HFM1: variants seen among roughly 807,000 people sequenced by gnomAD.
The protein encoded by HFM1 is helicase for meiosis 1.
HFM1 carries 169 observed loss-of-function variants against 192.1 expected under a neutral mutation model. The ratio of observed to expected loss-of-function variants is 0.88; its 90% CI spans 0.78 to 1.00. The LOEUF is 1.00. Among genes scored for constraint, HFM1 ranks in the 50% least tolerant of loss-of-function variants. The probability of loss-of-function intolerance (pLI) is 0.00; values close to 1 mark genes in which losing one functional copy is unlikely to be tolerated. For synonymous variants in HFM1, 525 were observed against 537.8 expected, an observed-to-expected ratio of 0.98 and a Z score of 0.33; for missense variants, 1,661 against 1,668.0, an observed-to-expected ratio of 1.00 and a Z score of 0.07.
In HFM1 at chr1:91,311,522, A is replaced by C. The variant is rs554127972; in HGVS notation, c.3391+1827T>G. ...GTGCCTGTAGTCCCAGCTACTCAGG[A>C]GGCAGAGACAGGAGAATTGCTTGAA... On this transcript the variant is annotated intron_variant, in intron 30 of 38. Transcript: ENST00000370425. 9.5e-4 allele frequency among the ~76,000 whole-genome samples: 144 copies of C among 152,078 alleles called. 6 individuals are homozygous for C. In the South Asian group the frequency reaches 0.028, roughly 29 times the overall value.
chr1:91,352,940 C>T (rs1417942762), intron 15 of HFM1, 111 bp downstream of exon 15: 2 of 705,968 alleles, frequency 2.8e-6, no homozygotes, highest in East Asian at 2.7e-5. Context: ...ATTTTATATT[C>T]TCAGAAGAAA....
chr1:91,393,271 C>CA (rs1663233559), intron 4 of HFM1, among the ~76,000 whole-genome samples: 1 of 152,060 alleles, frequency 6.6e-6, no homozygotes, highest in Non-Finnish European at 1.5e-5. Context: ...TCAATACTCT[C>CA]ACTTTCTCTC....
At chr1:91,334,367 C>G (rs528815615) in intron 20 of HFM1, among the ~76,000 whole-genome samples, 1 of 152,126 alleles carries the variant, frequency 6.6e-6, no homozygotes, top group Admixed American at 6.5e-5. Flanking sequence ...AGCATGGTGC[C>G]TAATATTTAA....
At chr1:91,263,365 T>C (rs1001304268) in intron 36 of HFM1, among the ~76,000 whole-genome samples, 16 of 152,126 alleles carry the variant, frequency 1.1e-4, no homozygotes, top group African/African-American at 3.9e-4. Context: ...AAGAATCACA[T>C]ATACTGATAG....
chr1:91,298,648 AAAG>A (rs1648116295), intron 30 of HFM1, among the ~76,000 whole-genome samples: 1 of 152,212 alleles, frequency 6.6e-6, no homozygotes, highest in Non-Finnish European at 1.5e-5. Flanking sequence ...TTCTTAAAGA[AAAG>A]AATTTTCAAC....
chr1:91,302,974 C>T (rs2101050564), intron 30 of HFM1, among the ~76,000 whole-genome samples: 1 of 152,072 alleles, frequency 6.6e-6, no homozygotes, highest in Non-Finnish European at 1.5e-5. Flanking sequence ...ATCCTTTTTG[C>T]TGGTATACAG....
At chr1:91,310,408 G>A (rs1650266631) in intron 30 of HFM1, among the ~76,000 whole-genome samples, 2 of 152,080 alleles carry the variant, frequency 1.3e-5, no homozygotes, top group Non-Finnish European at 2.9e-5. Context: ...GTATATGTTT[G>A]AAAAATTCCC....
At chr1:91,392,388 C>T (rs1663109293) in intron 4 of HFM1, among the ~76,000 whole-genome samples, 1 of 152,168 alleles carries the variant, frequency 6.6e-6, no homozygotes, top group Admixed American at 6.5e-5. Flanking sequence ...AAATGTGGCA[C>T]ATATACATCA....
rs1258393542 is a variant in HFM1, at chr1:91,274,746, G to A, written c.3652C>T (p.Leu1218Phe). 1 of 1,530,640 alleles carries A rather than the reference G, an allele frequency of 6.5e-7. No homozygotes were observed. The highest frequency in any genetic ancestry group is 2.3e-5 in the East Asian group (1 of 44,398). The allele number at this position is 1,530,640 out of a possible 1,614,324, so 94.8% of individuals were successfully genotyped here. The change falls in exon 33 of 39, where the codon CTT becomes TTT. Residue 1218 changes from leucine to phenylalanine, a missense_variant. Coordinates refer to ENST00000370425, the MANE Select transcript of HFM1 (RefSeq NM_001017975.6). ...KEFGFTPKPS[L>F]PSISRSEYLN... ...TATTTGTACCTTGATATACTAGGAA[G>A]GGAAGGTTTTGGAGTAAAACCAAAC...
At position 91,322,974 on chromosome 1, in the gene HFM1, T is replaced by C. The variant is rs1272587797; in HGVS notation, c.2558A>G (p.Lys853Arg). 4 of 1,378,554 alleles carry C rather than the reference T, an allele frequency of 2.9e-6. No individual in the cohort carries two copies. The highest frequency in any genetic ancestry group is 2.5e-5 in the Admixed American group (1 of 40,148). The allele number at this position is 1,378,554 out of a possible 1,614,324, so 85.4% of individuals were successfully genotyped here. The part of the protein sequence containing the change: ...TIRFPMEGRI[K>R]TREMKVNCLI... ...CCAATTTACTTTCATTTCTCTTGTT[T>C]TAATTCTTCCTTCCATTGGAAATCT... The change falls in exon 23 of 39, where the codon AAA becomes AGA. Residue 853 changes from lysine (K) to arginine (R), a missense_variant. Lys to Arg is a conservative substitution (Grantham distance 26). Transcript: ENST00000370425.
At chr1:91,265,658 T>C (rs1665695803) in intron 36 of HFM1, among the ~76,000 whole-genome samples, 1 of 152,232 alleles carries the variant, frequency 6.6e-6, no homozygotes, top group African/African-American at 2.4e-5. Context: ...CTTATCCCTT[T>C]AGAGATGCTT....
intron 9 of HFM1, among the ~76,000 whole-genome samples, chr1:91,378,684 C>A (rs1661208228): frequency 6.6e-6 from 1 of 151,718 alleles, no homozygotes; most frequent in African/African-American, 2.4e-5. Context: ...TAAAACTGGG[C>A]CCTCAATTGT....
At chr1:91,317,415 AAAAC>A (rs368310929) in intron 25 of HFM1, among the ~76,000 whole-genome samples, 4 of 152,170 alleles carry the variant, frequency 2.6e-5, no homozygotes, top group African/African-American at 9.7e-5. Flanking sequence ...CTCCATCTCA[AAAAC>A]AAACAAACAA....
chr1:91,298,300 G>A (rs147287271), intron 30 of HFM1, among the ~76,000 whole-genome samples: 5,055 of 152,248 alleles, frequency 0.033, 194 homozygotes, highest in East Asian at 0.13. Context: ...AAAAGACCAA[G>A]TCTACATCTG....
chr1:91,350,738 CATA>C lies in HFM1; in HGVS notation c.2203_2205del (p.Tyr735del). The C allele has an allele frequency of 6.2e-7, 1 of 1,608,886 alleles. No individual in the cohort carries two copies. Among genetic ancestry groups the C allele is most frequent in the Non-Finnish European group, 8.5e-7 (1 of 1,177,646 alleles). On this transcript the variant is annotated inframe_deletion and splice_region_variant, in exon 18 of 39. Coordinates refer to ENST00000370425, the MANE Select transcript of HFM1 (RefSeq NM_001017975.6). ...ACTTTTCCAAGTCAAAGTAACAAAC[CATA>C]ATGAGATGGATTTTTCAAGGCTCTG...
chr1:91,352,152 T>C (rs949138573), intron 16 of HFM1, among the ~76,000 whole-genome samples: 1 of 151,574 alleles, frequency 6.6e-6, no homozygotes, highest in Non-Finnish European at 1.5e-5. Flanking sequence ...GGATGTTTCA[T>C]GTTCTGTAAT....
At chr1:91,309,324 A>G (rs1650101643) in intron 30 of HFM1, among the ~76,000 whole-genome samples, 1 of 152,218 alleles carries the variant, frequency 6.6e-6, no homozygotes, top group Non-Finnish European at 1.5e-5. Context: ...GTGTTTATAT[A>G]TTTAGTGCTT....
chr1:91,333,503 T>C lies in HFM1; in HGVS notation c.2336-8737A>G, dbSNP rs564571076. On this transcript the variant is annotated intron_variant, in intron 20 of 38. Transcript: ENST00000370425. The stretch of plus-strand genomic sequence containing the variant: ...GAGTTTGGTGGGGATGGTTAATGGG[T>C]ACAAAAATAAAAAAAAAACAGAAAG... Among the ~76,000 whole-genome samples, 8 of 145,274 alleles carry C rather than the reference T, an allele frequency of 5.5e-5. No homozygotes were observed. The East Asian group carries it at 1.6e-3, about 28-fold the overall frequency.
At position 91,394,357 on chromosome 1, in the gene HFM1, G is replaced by T; in HGVS notation, c.230C>A (p.Thr77Asn). 1 of 1,565,764 alleles carries T rather than the reference G, an allele frequency of 6.4e-7. No individual in the cohort carries two copies. Among genetic ancestry groups the T allele is most frequent in the Non-Finnish European group, 8.8e-7 (1 of 1,141,936 alleles). The change falls in exon 4 of 39, where the codon ACT becomes AAT. Residue 77 changes from threonine to asparagine, a missense_variant. Coordinates refer to ENST00000370425, the MANE Select transcript of HFM1 (RefSeq NM_001017975.6). ...TGAAATATAATTTGTATCTTCATTA[G>T]TTATCTTTAAATTTGATGTTAACAT... The part of the protein sequence containing the change: ...PKMLTSNLKI[T>N]NEDTNYISLT...
Sources: allele counts gnomAD v4.1 joint callset (sites outside exome capture counted in the v4.1 genomes callset), GRCh38; gene constraint gnomAD v4.1.1; transcripts MANE v1.5; gene names NCBI Gene and HGNC (gene_info 2026-07-23, HGNC 2026-07-21).